Variants in ROBO1 observed in about 807,000 individuals in gnomAD.
ROBO1 encodes the protein roundabout guidance receptor 1, also known as roundabout homolog 1.
In ROBO1, 149 loss-of-function variants were observed where a neutral mutation model predicts 195.9. The ratio of observed to expected loss-of-function variants is 0.76; its 90% CI spans 0.67 to 0.87. The LOEUF (loss-of-function observed/expected upper bound fraction) is 0.87. Among genes scored for constraint, ROBO1 ranks in the 40% least tolerant of loss-of-function variants. The probability of loss-of-function intolerance (pLI) is 0.00; values close to 1 mark genes in which losing one functional copy is unlikely to be tolerated. For missense variants in ROBO1, 1,933 were observed against 2,068.3 expected, an observed-to-expected ratio of 0.93 and a Z score of 1.27; for synonymous variants, 816 against 733.2, an observed-to-expected ratio of 1.11 and a Z score of -1.82.
At chr3:79,447,567 A>C (rs769327687) in intron 2 of ROBO1, among the ~76,000 whole-genome samples, 2 of 152,168 alleles carry the variant, frequency 1.3e-5, no homozygotes, top group South Asian at 2.1e-4. Flanking sequence ...AGATTGTTAC[A>C]TCATGCTTAT....
chr3:79,301,368 G>A (rs2032947390), intron 2 of ROBO1, among the ~76,000 whole-genome samples: 1 of 152,314 alleles, frequency 6.6e-6, no homozygotes, highest in Middle Eastern at 3.4e-3. Flanking sequence ...ATGTGACTGA[G>A]TATATAGATT....
chr3:79,474,621 A>C (rs569356808), intron 2 of ROBO1, among the ~76,000 whole-genome samples: 1 of 152,228 alleles, frequency 6.6e-6, no homozygotes, highest in Admixed American at 6.5e-5. Flanking sequence ...ATTTTAAAAA[A>C]CATTTTGTTT....
At chr3:78,657,869 TA>T (rs986297749) in intron 17 of ROBO1, among the ~76,000 whole-genome samples, 2 of 152,170 alleles carry the variant, frequency 1.3e-5, no homozygotes, top group African/African-American at 2.4e-5. Context: ...ATATGATTAT[TA>T]AAAATAAAAC....
At chr3:78,626,377 T>C (rs1704782779) in intron 26 of ROBO1, among the ~76,000 whole-genome samples, 1 of 152,216 alleles carries the variant, frequency 6.6e-6, no homozygotes, top group Non-Finnish European at 1.5e-5. Flanking sequence ...TTACAGTGTA[T>C]GTAATTTGAA....
intron 20 of ROBO1, among the ~76,000 whole-genome samples, chr3:78,646,559 T>C (rs908061247): frequency 1.3e-5 from 2 of 151,300 alleles, no homozygotes; most frequent in Non-Finnish European, 3.0e-5. Context: ...GAATTTATTA[T>C]TGGAGCACAT....
intron 5 of ROBO1, among the ~76,000 whole-genome samples, chr3:78,718,385 A>C (rs2081955289): frequency 6.6e-6 from 1 of 152,162 alleles, no homozygotes; most frequent in African/African-American, 2.4e-5. Context: ...TAAAGAATGT[A>C]TCTTCATTGC....
intron 3 of ROBO1, among the ~76,000 whole-genome samples, chr3:79,083,513 A>G (rs2079313102): frequency 6.6e-6 from 1 of 152,198 alleles, no homozygotes. Context: ...AAAGCAGTTT[A>G]TGTTTGAAAT....
chr3:79,078,455 G>A (rs986566574), intron 3 of ROBO1, among the ~76,000 whole-genome samples: 5 of 151,334 alleles, frequency 3.3e-5, no homozygotes, highest in African/African-American at 1.2e-4. Flanking sequence ...CAGTGGTTGA[G>A]TATCAAAATA....
chr3:79,116,680 G>A (rs1248859484), intron 3 of ROBO1, among the ~76,000 whole-genome samples: 1 of 151,756 alleles, frequency 6.6e-6, no homozygotes, highest in East Asian at 1.9e-4. Context: ...ACCACGCCCA[G>A]CTAATTTTTG....
intron 2 of ROBO1, among the ~76,000 whole-genome samples, chr3:79,236,062 C>G (rs1215205418): frequency 1.3e-5 from 2 of 152,006 alleles, no homozygotes; most frequent in Non-Finnish European, 2.9e-5. Flanking sequence ...ACTCTTTGGT[C>G]ATTTGATTAC....
intron 3 of ROBO1, among the ~76,000 whole-genome samples, chr3:79,089,838 A>AT (rs772322624): frequency 3.3e-5 from 5 of 151,108 alleles, no homozygotes; most frequent in Non-Finnish European, 5.9e-5. Flanking sequence ...TCATCTGCCT[A>AT]TTTTTCTATT....
intron 4 of ROBO1, among the ~76,000 whole-genome samples, chr3:78,873,168 T>C (rs1444164446): frequency 6.6e-6 from 1 of 152,126 alleles, no homozygotes; most frequent in Admixed American, 6.6e-5. Context: ...CTCTATATAT[T>C]AAAGGGTTAT....
intron 21 of ROBO1, among the ~76,000 whole-genome samples, chr3:78,641,642 G>A (rs975728583): frequency 2.0e-5 from 3 of 152,046 alleles, no homozygotes; most frequent in African/African-American, 7.2e-5. Flanking sequence ...TGTTATCACT[G>A]TAGAAGTTAT....
intron 4 of ROBO1, among the ~76,000 whole-genome samples, chr3:78,917,432 AC>A (rs1338374188): frequency 1.8e-4 from 28 of 152,080 alleles, no homozygotes; most frequent in African/African-American, 6.8e-4. Context: ...AAAATAACAA[AC>A]GTTTTTGAAA....
intron 1 of ROBO1, among the ~76,000 whole-genome samples, chr3:79,602,258 A>G (rs182595539): frequency 1.3e-5 from 2 of 152,138 alleles, no homozygotes; most frequent in East Asian, 3.9e-4. Flanking sequence ...AAATAACAGA[A>G]GAGAAGGTCA....
chr3:79,721,779 G>C (rs1702713561), intron 1 of ROBO1, among the ~76,000 whole-genome samples: 1 of 152,182 alleles, frequency 6.6e-6, no homozygotes, highest in Non-Finnish European at 1.5e-5. Flanking sequence ...TCCTGAGGAA[G>C]ACTAACATGA....
At chr3:78,866,475 T>C (rs562367593) in intron 4 of ROBO1, among the ~76,000 whole-genome samples, 1 of 152,330 alleles carries the variant, frequency 6.6e-6, no homozygotes, top group South Asian at 2.1e-4. Flanking sequence ...TTATAGACTA[T>C]AGAACCCTTC....
intron 2 of ROBO1, among the ~76,000 whole-genome samples, chr3:79,428,987 G>T (rs1418802629): frequency 6.6e-6 from 1 of 152,080 alleles, no homozygotes. Flanking sequence ...GGGACATAAA[G>T]GAACCTTTGG....
chr3:78,774,598 G>A (rs2083458837), intron 4 of ROBO1, among the ~76,000 whole-genome samples: 2 of 133,502 alleles, frequency 1.5e-5, no homozygotes, highest in Non-Finnish European at 3.3e-5. Flanking sequence ...GTGCTAAAAT[G>A]TTTTTAATAA....
Sources: allele counts gnomAD v4.1 joint callset (sites outside exome capture counted in the v4.1 genomes callset), GRCh38; gene constraint gnomAD v4.1.1; transcripts MANE v1.5; gene names NCBI Gene and HGNC (gene_info 2026-07-23, HGNC 2026-07-21).